The following MTPAP variants were observed in gnomAD, a reference collection of about 807,000 sequenced individuals.
MTPAP encodes the protein mitochondrial poly(A) polymerase, also known as poly(A) RNA polymerase, mitochondrial.
MTPAP carries 23 observed loss-of-function variants against 48.7 expected under a neutral mutation model. The ratio of observed to expected loss-of-function variants is 0.47; its 90% confidence interval spans 0.34 to 0.67. The LOEUF is 0.67. Ranked by LOEUF, MTPAP falls within the 30% of genes least tolerant of loss-of-function variation. The pLI, the probability that MTPAP is intolerant of heterozygous loss-of-function variation, is 0.01. For synonymous variants in MTPAP, 257 were observed against 254.1 expected (o/e 1.01, Z -0.11); for missense variants, 614 against 694.3 (o/e 0.88, Z 1.30).
intron 3 of MTPAP, among the ~76,000 whole-genome samples, chr10:30,339,213 GTA>G (rs1834769696): frequency 6.6e-6 from 1 of 152,044 alleles, no homozygotes; most frequent in African/African-American, 2.4e-5. Flanking sequence ...TGGGCCGGGC[GTA>G]GTGGCTCACA....
intron 1 of MTPAP, among the ~76,000 whole-genome samples, chr10:30,347,618 G>A (rs998960952): frequency 1.5e-4 from 23 of 152,200 alleles, no homozygotes; most frequent in Admixed American, 2.6e-4. Flanking sequence ...CTGGCTGGGC[G>A]CGGTGGCTCA....
At chr10:30,326,362 G>T in intron 5 of MTPAP, 62 bp downstream of exon 5, 1 of 1,452,344 alleles carries the variant, frequency 6.9e-7, no homozygotes, top group East Asian at 2.4e-5. Flanking sequence ...TTCTGTGTGA[G>T]AAACACTAAG....
rs1165848520 is a variant in MTPAP, at chr10:30,312,365, G to A, written c.*1244C>T. 1.3e-5 allele frequency: 2 copies of A among 152,054 alleles called. No homozygotes were observed. The highest frequency in any genetic ancestry group is 3.9e-4 in the East Asian group (2 of 5,160). The allele number at this position is 152,054 out of a possible 1,614,324, so 9.4% of individuals were successfully genotyped here. The stretch of plus-strand genomic sequence containing the variant: ...GGAGGTTGAGGTGGGCTGATCACGA[G>A]GTCGGGAGATCGAGACCATGGTGAA... On this transcript the variant is annotated 3_prime_UTR_variant, in exon 9 of 9. Coordinates refer to ENST00000263063, the MANE Select transcript of MTPAP (RefSeq NM_018109.4).
rs1342983498 is a variant in MTPAP at position 30,311,834 on chromosome 10, C to G, written c.*1775G>C. 6.6e-6 allele frequency: 1 copy of G among 152,356 alleles called. No homozygotes were observed. The highest frequency in any genetic ancestry group is 2.4e-5 in the African/African-American group (1 of 41,462). The allele number at this position is 152,356 out of a possible 1,614,324, so 9.4% of individuals were successfully genotyped here. On this transcript the variant is annotated 3_prime_UTR_variant, in exon 9 of 9. Coordinates refer to ENST00000263063, the MANE Select transcript of MTPAP (RefSeq NM_018109.4). ...CATGTGCCGCTATGCCCAGGCCTTA[C>G]TTGCTTCTTAAATAGAAAGTTACTC...
intron 2 of MTPAP, 51 bp from the exon 3 acceptor site, chr10:30,340,501 C>A: frequency 7.9e-7 from 1 of 1,266,890 alleles, no homozygotes; most frequent in Non-Finnish European, 1.2e-6. Context: ...ATATATCTAA[C>A]ATACTATTTT....
At position 30,313,258 on chromosome 10, in the gene MTPAP, T is replaced by G; in HGVS notation, c.*351A>C. The G allele has an allele frequency of 3.9e-6, 1 of 254,522 alleles. No individual in the cohort carries two copies. The highest frequency in any genetic ancestry group is 7.6e-6 in the Non-Finnish European group (1 of 130,912). The allele number at this position is 254,522 out of a possible 1,614,324, so 15.8% of individuals were successfully genotyped here. On this transcript the variant is annotated 3_prime_UTR_variant, in exon 9 of 9. Transcript: ENST00000263063. The stretch of plus-strand genomic sequence containing the variant: ...TCTTTCACCCATTCCTTGTGGCTTA[T>G]GTTTATTTTCATTTTTTTTAGAGAT...
intron 4 of MTPAP, among the ~76,000 whole-genome samples, chr10:30,332,624 G>A (rs1386007031): frequency 6.6e-6 from 1 of 152,070 alleles, no homozygotes; most frequent in Admixed American, 6.6e-5. Context: ...TAAGACTGGA[G>A]CACTGTCTTT....
intron 1 of MTPAP, among the ~76,000 whole-genome samples, chr10:30,345,075 T>C (rs1208232326): frequency 6.6e-6 from 1 of 152,210 alleles, no homozygotes; most frequent in African/African-American, 2.4e-5. Flanking sequence ...CAGCCAACCA[T>C]TAAGTTGTGG....
In MTPAP at chr10:30,341,590, T is replaced by C; in HGVS notation, c.208A>G (p.Arg70Gly). 1.9e-6 allele frequency: 3 copies of C among 1,614,170 alleles called. No individual in the cohort carries two copies. ...KRRFSEMQNE[R>G]REQAQRTVLI... The stretch of plus-strand genomic sequence containing the variant: ...ACAGTCCGCTGTGCCTGTTCTCGTC[T>C]TTCATTTTGCATCTCAGAGAATCTC... Residue 70 changes from arginine (R) to glycine (G), a missense_variant, in exon 2 of 9, where the codon AGA becomes GGA. Transcript: ENST00000263063.
Position 30,319,808 on chromosome 10 carries a change from G to C in MTPAP, c.1219+2583C>G, listed in dbSNP as rs377232789. The stretch of plus-strand genomic sequence containing the variant: ...ATGTGCTATATGCCGAGAAGCAATT[G>C]CAAAAACTAGCCTGAAAAATTCTCT... On this transcript the variant is annotated intron_variant, in intron 6 of 8. Transcript: ENST00000263063. Among the ~76,000 whole-genome samples, 9 of 152,280 alleles carry C rather than the reference G, an allele frequency of 5.9e-5. No individual in the cohort carries two copies. In the South Asian group the frequency reaches 1.7e-3, roughly 28 times the overall value.
At chr10:30,343,535 GA>G (rs1187420077) in intron 1 of MTPAP, among the ~76,000 whole-genome samples, 1 of 151,780 alleles carries the variant, frequency 6.6e-6, no homozygotes, top group African/African-American at 2.4e-5. Flanking sequence ...ATGGATCAAG[GA>G]AATACTCCAA....
chr10:30,314,115 G>T (rs1285197900), intron 8 of MTPAP, 144 bp from the exon 9 acceptor site: 4 of 982,094 alleles, frequency 4.1e-6, no homozygotes, highest in Non-Finnish European at 6.1e-6. Context: ...AGGGGATTGA[G>T]TATGTATGCA....
intron 3 of MTPAP, 128 bp from the exon 4 acceptor site, chr10:30,337,155 T>C: frequency 1.2e-6 from 1 of 843,656 alleles, no homozygotes; most frequent in South Asian, 1.4e-5. Context: ...CCTGGCGCAG[T>C]GGCTCACGCC....
At chr10:30,337,149 G>A in intron 3 of MTPAP, 122 bp from the exon 4 acceptor site, 1 of 879,228 alleles carries the variant, frequency 1.1e-6, no homozygotes, top group Admixed American at 2.0e-5. Flanking sequence ...GCAAAGCCTG[G>A]CGCAGTGGCT....
At chr10:30,337,113 G>A (rs1203793740) in intron 3 of MTPAP, 86 bp from the exon 4 acceptor site, 3 of 1,164,830 alleles carry the variant, frequency 2.6e-6, no homozygotes, top group Admixed American at 1.9e-5. Flanking sequence ...AGATTTGGTG[G>A]CGTTGAAGAC....
At chr10:30,335,937 G>A (rs11007997) in intron 4 of MTPAP, among the ~76,000 whole-genome samples, 20,896 of 152,136 alleles carry the variant, frequency 0.14, 2,547 homozygotes, top group East Asian at 0.52. Context: ...TTGAACCCGG[G>A]AGGTGGAGGT....
At chr10:30,333,628 G>A (rs773989153) in intron 4 of MTPAP, among the ~76,000 whole-genome samples, 3 of 152,154 alleles carry the variant, frequency 2.0e-5, no homozygotes, top group African/African-American at 2.4e-5. Context: ...GATCCAGGCC[G>A]GATGCGGTGG....
At chr10:30,348,540 T>C (rs185606337) in intron 1 of MTPAP, among the ~76,000 whole-genome samples, 18 of 152,320 alleles carry the variant, frequency 1.2e-4, no homozygotes, top group Non-Finnish European at 2.5e-4. Flanking sequence ...CAAAGAAGCA[T>C]ATAAATGTAG....
chr10:30,326,277 A>C (rs1834596639), intron 5 of MTPAP, 147 bp downstream of exon 5: 1 of 717,620 alleles, frequency 1.4e-6, no homozygotes, highest in Admixed American at 2.9e-5. Context: ...AGAAAAGATT[A>C]CTTACTTTTC....
Sources: gnomAD v4.1 joint callset for allele counts (sites outside exome capture counted in the v4.1 genomes callset) on GRCh38, gnomAD v4.1.1 for gene constraint, MANE v1.5 for transcripts, NCBI Gene and HGNC (gene_info 2026-07-23, HGNC 2026-07-21) for gene names.